The following SMYD3 variants were observed in gnomAD, a reference collection of about 807,000 sequenced individuals.
The protein encoded by SMYD3 is SET and MYND domain containing 3.
In SMYD3, 36 loss-of-function variants were observed where a neutral mutation model predicts 57.7. That is an observed-to-expected ratio of 0.62 (90% CI 0.48 to 0.82). The LOEUF (loss-of-function observed/expected upper bound fraction) is 0.82. Ranked by LOEUF, SMYD3 falls within the 40% of genes least tolerant of loss-of-function variation. The pLI is 0.00. For missense variants in SMYD3, 515 were observed against 538.8 expected (o/e 0.96, Z 0.44); for synonymous variants, 211 against 195.0 (o/e 1.08, Z -0.68).
chr1:246,288,601 C>T (rs905399266), intron 5 of SMYD3, among the ~76,000 whole-genome samples: 4 of 152,030 alleles, frequency 2.6e-5, no homozygotes, highest in Non-Finnish European at 5.9e-5. Context: ...AGAATCAGGA[C>T]CAGTCTGCAG....
In SMYD3 at chr1:245,863,787, G is replaced by A. The variant is rs1210309861; in HGVS notation, c.901+12C>T. ...CCCAACAGTCCACCTCAATCCACAG[G>A]CGAAAGGATACTCCAGTGTGCCTTC... On this transcript the variant is annotated intron_variant, in intron 9 of 11. Coordinates refer to ENST00000490107, the MANE Select transcript of SMYD3 (RefSeq NM_001167740.2). 1 of 1,612,056 alleles carries A rather than the reference G, an allele frequency of 6.2e-7. No individual in the cohort carries two copies. The highest frequency in any genetic ancestry group is 1.1e-5 in the South Asian group (1 of 91,024).
intron 1 of SMYD3, among the ~76,000 whole-genome samples, chr1:246,409,511 CTCTGT>C (rs1291776207): frequency 6.6e-6 from 1 of 152,132 alleles, no homozygotes; most frequent in Non-Finnish European, 1.5e-5. Flanking sequence ...TTTCTGAGGG[CTCTGT>C]TCTGTTCCAT....
chr1:245,854,854 C>G (rs959037765), intron 10 of SMYD3, among the ~76,000 whole-genome samples: 1 of 152,100 alleles, frequency 6.6e-6, no homozygotes, highest in East Asian at 1.9e-4. Flanking sequence ...ATGGGGGAAG[C>G]AGGGCTTTAA....
intron 1 of SMYD3, among the ~76,000 whole-genome samples, chr1:246,448,416 T>C (rs534455233): frequency 6.6e-5 from 10 of 152,270 alleles, no homozygotes; most frequent in Admixed American, 5.2e-4. Flanking sequence ...ACTTTGAATA[T>C]GTTATACAAT....
chr1:246,009,503 T>G (rs560603493), intron 5 of SMYD3, among the ~76,000 whole-genome samples: 1 of 152,328 alleles, frequency 6.6e-6, no homozygotes, highest in Non-Finnish European at 1.5e-5. Context: ...CTTTGTAACA[T>G]GTATGTGTGT....
chr1:245,817,289 T>A (rs908364431), intron 10 of SMYD3, among the ~76,000 whole-genome samples: 18 of 136,794 alleles, frequency 1.3e-4, no homozygotes, highest in Non-Finnish European at 2.1e-4. Context: ...AGGGGCACAC[T>A]GACACCTCAC....
intron 10 of SMYD3, among the ~76,000 whole-genome samples, chr1:245,852,903 G>C (rs1428217169): frequency 6.6e-6 from 1 of 152,076 alleles, no homozygotes; most frequent in Non-Finnish European, 1.5e-5. Context: ...GCCCTGATTA[G>C]GCATGCCAGA....
intron 5 of SMYD3, among the ~76,000 whole-genome samples, chr1:246,121,149 A>C (rs1391162941): frequency 1.3e-5 from 2 of 152,202 alleles, no homozygotes; most frequent in Non-Finnish European, 1.5e-5. Context: ...CTAAACTTTA[A>C]ATATTTTGTG....
intron 5 of SMYD3, among the ~76,000 whole-genome samples, chr1:245,983,089 C>T (rs563739942): frequency 1.8e-4 from 27 of 152,240 alleles, no homozygotes; most frequent in Non-Finnish European, 1.9e-4. Context: ...GTGATCTTTC[C>T]CCCCATGCTA....
At chr1:246,453,011 AT>A (rs991419193) in intron 1 of SMYD3, among the ~76,000 whole-genome samples, 1 of 152,214 alleles carries the variant, frequency 6.6e-6, no homozygotes, top group Non-Finnish European at 1.5e-5. Flanking sequence ...TGTGAGTTTT[AT>A]TTATTTACCA....
At chr1:246,035,594 G>C (rs117027946) in intron 5 of SMYD3, 1 of 152,186 alleles carries the variant, frequency 6.6e-6, no homozygotes, top group Non-Finnish European at 1.5e-5. Flanking sequence ...ATTTCTCTGC[G>C]GATGCCTGTA....
At chr1:246,467,608 T>C (rs1005292299) in intron 1 of SMYD3, among the ~76,000 whole-genome samples, 1 of 152,018 alleles carries the variant, frequency 6.6e-6, no homozygotes, top group Non-Finnish European at 1.5e-5. Flanking sequence ...TCCTAACACA[T>C]ACAATCCAAG....
intron 5 of SMYD3, among the ~76,000 whole-genome samples, chr1:245,960,982 A>T (rs372902312): frequency 6.6e-6 from 1 of 152,202 alleles, no homozygotes; most frequent in East Asian, 1.9e-4. Flanking sequence ...AAATGGCAAC[A>T]TTTAAAAAAA....
At chr1:246,163,112 C>T (rs1213707133) in intron 5 of SMYD3, among the ~76,000 whole-genome samples, 2 of 152,148 alleles carry the variant, frequency 1.3e-5, no homozygotes, top group East Asian at 1.9e-4. Context: ...TACCATGTTC[C>T]TAAGAGAATT....
At chr1:246,129,926 C>T (rs766329016) in intron 5 of SMYD3, among the ~76,000 whole-genome samples, 1 of 152,154 alleles carries the variant, frequency 6.6e-6, no homozygotes, top group Non-Finnish European at 1.5e-5. Flanking sequence ...TCATAGCAGG[C>T]ATTTTGAAAA....
At chr1:245,775,892 A>T (rs2046569592) in intron 10 of SMYD3, among the ~76,000 whole-genome samples, 1 of 152,208 alleles carries the variant, frequency 6.6e-6, no homozygotes, top group African/African-American at 2.4e-5. Flanking sequence ...GTTGAAAGGA[A>T]AATCATCCCA....
intron 5 of SMYD3, among the ~76,000 whole-genome samples, chr1:246,244,612 T>C (rs763465814): frequency 4.3e-4 from 65 of 152,318 alleles, no homozygotes; most frequent in African/African-American, 1.4e-3. Flanking sequence ...AGATGCTATG[T>C]CAGTCTGTTA....
intron 1 of SMYD3, among the ~76,000 whole-genome samples, chr1:246,384,261 C>A (rs2066433565): frequency 6.6e-6 from 1 of 152,044 alleles, no homozygotes; most frequent in Non-Finnish European, 1.5e-5. Context: ...GTCTCATAAA[C>A]CTTCAGAGTT....
intron 11 of SMYD3, among the ~76,000 whole-genome samples, chr1:245,753,701 G>A (rs1487351402): frequency 2.0e-5 from 3 of 152,234 alleles, no homozygotes; most frequent in Non-Finnish European, 2.9e-5. Context: ...AGTACAGCAG[G>A]AAGATGAGGA....
Sources: allele counts gnomAD v4.1 joint callset (sites outside exome capture counted in the v4.1 genomes callset), GRCh38; gene constraint gnomAD v4.1.1; transcripts MANE v1.5; gene names NCBI Gene and HGNC (gene_info 2026-07-23, HGNC 2026-07-21).